WWOX: variants seen among roughly 807,000 people sequenced by gnomAD.
WWOX encodes the protein WW domain containing oxidoreductase.
WWOX carries 69 observed loss-of-function variants against 46.2 expected under a neutral mutation model. That is an observed-to-expected ratio of 1.49 (90% CI 1.23 to 1.82). The LOEUF is 1.82. Ranked by LOEUF, WWOX falls within the 40% of genes most tolerant of loss-of-function variation. WWOX has a pLI of 0.00. For missense variants in WWOX, 919 were observed against 542.6 expected (o/e 1.69, Z -6.89); for synonymous variants, 359 against 202.6 (o/e 1.77, Z -6.56).
chr16:78,287,271 T>C (rs892832564), intron 5 of WWOX, among the ~76,000 whole-genome samples: 2 of 152,324 alleles, frequency 1.3e-5, no homozygotes, highest in African/African-American at 4.8e-5. Flanking sequence ...CGGTTTTAAA[T>C]TTCTAATTGC....
intron 8 of WWOX, among the ~76,000 whole-genome samples, chr16:78,603,522 C>G (rs536286712): frequency 1.3e-4 from 20 of 152,156 alleles, no homozygotes; most frequent in Middle Eastern, 6.8e-3. Context: ...TGGTGAAACC[C>G]CATCTCACCT....
intron 8 of WWOX, among the ~76,000 whole-genome samples, chr16:78,907,016 CAG>C (rs1349891762): frequency 6.6e-6 from 1 of 152,160 alleles, no homozygotes; most frequent in African/African-American, 2.4e-5. Context: ...TTTATCTAGA[CAG>C]GGGAATTGCA....
chr16:78,442,436 A>G (rs746627133), intron 8 of WWOX, among the ~76,000 whole-genome samples: 17 of 151,670 alleles, frequency 1.1e-4, no homozygotes, highest in Non-Finnish European at 2.9e-5. Context: ...CTCCCCATTT[A>G]TCACCCCCTC....
chr16:78,164,400 T>G, intron 5 of WWOX, 111 bp downstream of exon 5: 2 of 968,198 alleles, frequency 2.1e-6, no homozygotes, highest in South Asian at 1.4e-5. Flanking sequence ...GAATCATGTC[T>G]TTATTTTTAA....
intron 5 of WWOX, among the ~76,000 whole-genome samples, chr16:78,332,173 C>T (rs962027840): frequency 2.0e-5 from 3 of 152,150 alleles, no homozygotes; most frequent in African/African-American, 7.2e-5. Context: ...TGTCTTTCCC[C>T]ACCCCAAGCC....
intron 8 of WWOX, among the ~76,000 whole-genome samples, chr16:79,193,253 G>T (rs16949861): frequency 6.6e-6 from 1 of 152,076 alleles, no homozygotes; most frequent in African/African-American, 2.4e-5. Context: ...TTACCCTTGG[G>T]GGCCCTGTAA....
intron 8 of WWOX, among the ~76,000 whole-genome samples, chr16:78,548,842 T>G (rs2044110314): frequency 6.6e-6 from 1 of 152,198 alleles, no homozygotes; most frequent in Admixed American, 6.5e-5. Context: ...CGTTAACTGG[T>G]CACATGCTGT....
chr16:78,948,670 C>G (rs1384760654), intron 8 of WWOX, among the ~76,000 whole-genome samples: 1 of 152,018 alleles, frequency 6.6e-6, no homozygotes, highest in Non-Finnish European at 1.5e-5. Context: ...AGTTCCAGCC[C>G]CTATGTCAGG....
At chr16:78,593,018 A>G (rs899729945) in intron 8 of WWOX, among the ~76,000 whole-genome samples, 24 of 152,164 alleles carry the variant, frequency 1.6e-4, no homozygotes, top group Non-Finnish European at 2.9e-5. Flanking sequence ...GGGAGGCTGG[A>G]AAGTACAGCC....
chr16:79,012,455 A>T (rs781224830), intron 8 of WWOX, among the ~76,000 whole-genome samples: 22 of 152,010 alleles, frequency 1.4e-4, no homozygotes, highest in Non-Finnish European at 3.2e-4. Context: ...CTGGTCTCGA[A>T]CTCCTGACCT....
intron 8 of WWOX, among the ~76,000 whole-genome samples, chr16:78,852,330 G>C (rs981991903): frequency 5.3e-5 from 8 of 152,174 alleles, no homozygotes; most frequent in Non-Finnish European, 7.3e-5. Flanking sequence ...TCTGAAGCTA[G>C]GTGACAAAAT....
chr16:78,430,428 G>A (rs2083188253), intron 7 of WWOX, among the ~76,000 whole-genome samples: 1 of 152,096 alleles, frequency 6.6e-6, no homozygotes, highest in African/African-American at 2.4e-5. Flanking sequence ...CTACCCACCT[G>A]GAAATTCAGT....
intron 8 of WWOX, among the ~76,000 whole-genome samples, chr16:79,085,044 G>A (rs963208529): frequency 2.0e-5 from 3 of 152,004 alleles, no homozygotes; most frequent in Non-Finnish European, 4.4e-5. Flanking sequence ...TCCCGCCTCA[G>A]CCTCCCAAAG....
chr16:79,121,689 G>C (rs1396151595), intron 8 of WWOX, among the ~76,000 whole-genome samples: 1 of 152,144 alleles, frequency 6.6e-6, no homozygotes, highest in Non-Finnish European at 1.5e-5. Flanking sequence ...CTGGGCTTTG[G>C]GAAGAGAAAA....
chr16:78,115,028 G>C lies in WWOX; in HGVS notation c.283G>C (p.Asp95His). 1 of 1,614,186 alleles carries C rather than the reference G, an allele frequency of 6.2e-7. No individual in the cohort carries two copies. Among genetic ancestry groups the C allele is most frequent in the South Asian group, 1.1e-5 (1 of 91,074 alleles). Residue 95 changes from aspartate (D) to histidine (H), a missense_variant, in exon 4 of 9, where the codon GAT becomes CAT. Transcript: ENST00000566780. ...YLDPRLAFTVDDNPTKPTTRQ... is the reference protein window; with the variant it reads ...YLDPRLAFTVHDNPTKPTTRQ... ...GGACCCAAGACTGGCGTTTACTGTG[G>C]ATGATAATCCGACCAAGCCAACCAC...
chr16:79,053,681 A>T (rs950840805), intron 8 of WWOX, among the ~76,000 whole-genome samples: 2 of 152,168 alleles, frequency 1.3e-5, no homozygotes, highest in African/African-American at 4.8e-5. Flanking sequence ...TAGGTTGGGG[A>T]ACGCTTTTAG....
chr16:78,479,753 A>G (rs1224882103), intron 8 of WWOX, among the ~76,000 whole-genome samples: 1 of 152,184 alleles, frequency 6.6e-6, no homozygotes, highest in Non-Finnish European at 1.5e-5. Flanking sequence ...CTGGGAGTCT[A>G]GACAGTGGTC....
chr16:78,501,010 G>C (rs950279799), intron 8 of WWOX, among the ~76,000 whole-genome samples: 1 of 152,144 alleles, frequency 6.6e-6, no homozygotes, highest in Admixed American at 6.5e-5. Flanking sequence ...GTTTCACTTT[G>C]CTGGGGTGCA....
rs145169059 is a variant in WWOX at position 78,799,867 on chromosome 16, C to G, written c.1056+367115C>G. ...TTTTAAATGCATATTAGTCAAAGTT[C>G]CAGTTATGTAGCTTTAGAAAAATTT... On this transcript the variant is annotated intron_variant, in intron 8 of 8. Coordinates refer to ENST00000566780, the MANE Select transcript of WWOX (RefSeq NM_016373.4). Among the ~76,000 whole-genome samples the G allele has an allele frequency of 3.2e-3, 480 of 152,208 alleles. 2 individuals are homozygous for G. Among genetic ancestry groups the G allele is most frequent in the African/African-American group, 0.011 (453 of 41,526 alleles).
Sources: allele counts gnomAD v4.1 joint callset (sites outside exome capture counted in the v4.1 genomes callset), GRCh38; gene constraint gnomAD v4.1.1; transcripts MANE v1.5; gene names NCBI Gene and HGNC (gene_info 2026-07-23, HGNC 2026-07-21).